Variants in MYO5A observed in about 807,000 individuals in gnomAD.
MYO5A encodes myosin VA.
A neutral mutation model predicts 249.7 loss-of-function variants in MYO5A; 98 were observed. The observed-to-expected ratio is 0.39, with a 90% CI of 0.33 to 0.46. MYO5A has a LOEUF of 0.46. MYO5A is among the 20% of genes least tolerant of loss of function. The probability of loss-of-function intolerance (pLI) is 0.98; values close to 1 mark genes in which losing one functional copy is unlikely to be tolerated. For synonymous variants in MYO5A, 778 were observed against 810.6 expected, an observed-to-expected ratio of 0.96 and a Z score of 0.68; for missense variants, 1,696 against 2,308.8, an observed-to-expected ratio of 0.73 and a Z score of 5.44.
At chr15:52,528,311 C>G (rs536254843) in intron 1 of MYO5A, among the ~76,000 whole-genome samples, 1 of 152,328 alleles carries the variant, frequency 6.6e-6, no homozygotes, top group African/African-American at 2.4e-5. Context: ...TCAAAATAAC[C>G]TCACAGAAAG....
chr15:52,416,139 T>A lies in MYO5A; in HGVS notation c.612+6A>T. On this transcript the variant is annotated splice_donor_region_variant and intron_variant, in intron 5 of 41. Coordinates refer to ENST00000399233, the MANE Select transcript of MYO5A (RefSeq NM_001382347.1). ...TAGGAAGAAAGCCGAAGACTCGCTGTCTTACCTCCATGATGGGGTTGGAGG... is the reference window on the plus strand; with the variant it reads ...TAGGAAGAAAGCCGAAGACTCGCTGACTTACCTCCATGATGGGGTTGGAGG... The A allele has an allele frequency of 6.2e-7, 1 of 1,613,946 alleles. No homozygotes were observed. The highest frequency in any genetic ancestry group is 8.5e-7 in the Non-Finnish European group (1 of 1,179,870).
chr15:52,504,682 G>A (rs981751360), intron 1 of MYO5A, among the ~76,000 whole-genome samples: 3 of 152,012 alleles, frequency 2.0e-5, no homozygotes, highest in Admixed American at 6.6e-5. Context: ...CGGGTGGATC[G>A]CGAGGTCAGG....
chr15:52,528,980 C>G (rs2077777067), upstream of MYO5A: 1 of 326,270 alleles, frequency 3.1e-6, no homozygotes, highest in Non-Finnish European at 4.6e-6. Flanking sequence ...AGGCGCTGGC[C>G]GCCCGCAGGG....
chr15:52,323,186 C>T (rs2038414755), intron 37 of MYO5A, among the ~76,000 whole-genome samples, 169 bp downstream of exon 37: 1 of 152,170 alleles, frequency 6.6e-6, no homozygotes, highest in African/African-American at 2.4e-5. Context: ...TGTCATTCTC[C>T]AAATCACTGC....
chr15:52,338,654 G>T (rs1210308482), intron 32 of MYO5A, among the ~76,000 whole-genome samples: 1 of 152,152 alleles, frequency 6.6e-6, no homozygotes, highest in African/African-American at 2.4e-5. Flanking sequence ...ACCTACAAAA[G>T]GTTTTCCCCA....
intron 23 of MYO5A, among the ~76,000 whole-genome samples, chr15:52,365,249 G>A (rs566603564): frequency 6.6e-5 from 10 of 152,212 alleles, no homozygotes; most frequent in African/African-American, 2.4e-4. Context: ...TTACTTCCCA[G>A]CTTCTAACCA....
At chr15:52,440,079 T>C (rs1465296884) in intron 1 of MYO5A, among the ~76,000 whole-genome samples, 1 of 152,132 alleles carries the variant, frequency 6.6e-6, no homozygotes, top group East Asian at 1.9e-4. Context: ...CTGGCAGCAA[T>C]GAGGTAATTT....
intron 1 of MYO5A, among the ~76,000 whole-genome samples, chr15:52,518,840 A>T (rs1437521191): frequency 6.6e-6 from 1 of 152,244 alleles, no homozygotes; most frequent in Non-Finnish European, 1.5e-5. Flanking sequence ...CTCATAAAAA[A>T]TGACTTCCTT....
rs2077243194 is a variant in MYO5A, at chr15:52,505,192, G to C, written c.27+23588C>G. The C allele has an allele frequency of 1.0e-5, 8 of 766,116 alleles. 1 individual carries two copies. Among genetic ancestry groups the C allele is most frequent in the South Asian group, 6.8e-5 (5 of 73,322 alleles). 47.5% of individuals were successfully genotyped at this position (766,116 alleles called of 1,614,324 possible). Reference sequence around the variant, plus strand: ...ACTCTCAGATACAGCCAAAGCCATGGGTTTTGGAGACCTGAAAAGCCCCGC... The same window carrying C: ...ACTCTCAGATACAGCCAAAGCCATGCGTTTTGGAGACCTGAAAAGCCCCGC... On this transcript the variant is annotated intron_variant, in intron 1 of 41. Coordinates refer to ENST00000399233, the MANE Select transcript of MYO5A (RefSeq NM_001382347.1).
intron 14 of MYO5A, among the ~76,000 whole-genome samples, chr15:52,384,567 C>T (rs185251962): frequency 2.6e-5 from 4 of 152,286 alleles, no homozygotes; most frequent in African/African-American, 9.6e-5. Context: ...AAAGTCAAAA[C>T]TACTGCACCC....
At chr15:52,505,528 G>A (rs1595811126) in intron 1 of MYO5A, 1 of 1,553,416 alleles carries the variant, frequency 6.4e-7, no homozygotes, top group East Asian at 2.2e-5. Context: ...AGAAAGTGAA[G>A]AAGCAAAGAG....
chr15:52,407,536 T>C (rs2043060749), intron 7 of MYO5A, 137 bp from the exon 8 acceptor site: 1 of 461,832 alleles, frequency 2.2e-6, no homozygotes, highest in East Asian at 3.5e-5. Flanking sequence ...GTGTTTTCAA[T>C]TGTATTTTAA....
At position 52,330,332 on chromosome 15, in the gene MYO5A, T is replaced by A. The variant is rs745417093; in HGVS notation, c.4555+21A>T. The A allele has an allele frequency of 3.1e-6, 5 of 1,613,920 alleles. No homozygotes were observed. The South Asian group carries it at 5.5e-5, about 18-fold the overall frequency. ...ACCCATGTGCCAGAAGGAACTTTTA[T>A]CCAATGCAGAAAATACTTGCCCAGA... is the stretch of plus-strand genomic sequence containing the variant. On this transcript the variant is annotated intron_variant, in intron 35 of 41. Coordinates refer to ENST00000399233, the MANE Select transcript of MYO5A (RefSeq NM_001382347.1).
intron 38 of MYO5A, among the ~76,000 whole-genome samples, chr15:52,320,767 A>T (rs1200096156): frequency 6.6e-6 from 1 of 152,214 alleles, no homozygotes; most frequent in Non-Finnish European, 1.5e-5. Flanking sequence ...TAATCCCAGC[A>T]CTTTGGGAGG....
chr15:52,313,495 A>G lies in MYO5A; in HGVS notation c.*201T>C, dbSNP rs1262196929. 6.1e-6 allele frequency: 4 copies of G among 657,868 alleles called. No individual in the cohort carries two copies. The highest frequency in any genetic ancestry group is 1.0e-5 in the Non-Finnish European group (4 of 388,146). 40.8% of individuals were successfully genotyped at this position (657,868 alleles called of 1,614,324 possible). On this transcript the variant is annotated 3_prime_UTR_variant, in exon 42 of 42. Transcript: ENST00000399233. ...GTTGGTTAAGGATGAGTGTTGCTAT[A>G]AAGATAACACAGCACGAAAGAGCCT...
intron 6 of MYO5A, among the ~76,000 whole-genome samples, chr15:52,410,083 TTTCCCGCAA>T (rs1392064871): frequency 6.6e-6 from 1 of 152,158 alleles, no homozygotes; most frequent in Admixed American, 6.5e-5. Context: ...TCAACTAAGC[TTTCCCGCAA>T]GCACCTGTAG....
intron 17 of MYO5A, 38 bp from the exon 18 acceptor site, chr15:52,379,771 T>C: frequency 6.2e-7 from 1 of 1,613,840 alleles, no homozygotes; most frequent in Non-Finnish European, 8.5e-7. Flanking sequence ...CTTAAAGAAC[T>C]AGGATCTTCT....
chr15:52,407,423 T>G lies in MYO5A; in HGVS notation c.839-24A>C, dbSNP rs2043055351. 3 of 1,586,120 alleles carry G rather than the reference T, an allele frequency of 1.9e-6. No homozygotes were observed. The South Asian group carries it at 3.3e-5, about 18-fold the overall frequency. ...TCCTGTAATGAAGAAAAATAAAAAT[T>G]TTCTGGTTTATGAAAAAGCCTTGCC... On this transcript the variant is annotated intron_variant, in intron 7 of 41. Coordinates refer to ENST00000399233, the MANE Select transcript of MYO5A (RefSeq NM_001382347.1).
intron 1 of MYO5A, among the ~76,000 whole-genome samples, chr15:52,488,650 G>GTT (rs2076872859): frequency 6.6e-6 from 1 of 152,296 alleles, no homozygotes; most frequent in East Asian, 1.9e-4. Context: ...TAAAATGGTT[G>GTT]TGATTTGCCT....
Sources: allele counts gnomAD v4.1 joint callset (sites outside exome capture counted in the v4.1 genomes callset), GRCh38; gene constraint gnomAD v4.1.1; transcripts MANE v1.5; gene names NCBI Gene and HGNC (gene_info 2026-07-23, HGNC 2026-07-21).